Variants in ZDHHC21 observed in about 807,000 individuals in gnomAD.
ZDHHC21 encodes palmitoyltransferase ZDHHC21.
ZDHHC21 carries 15 observed loss-of-function variants against 34.6 expected under a neutral mutation model. That is an observed-to-expected ratio of 0.43 (90% CI 0.29 to 0.67). The LOEUF is 0.67. ZDHHC21 is among the 30% of genes least tolerant of loss of function. ZDHHC21 has a pLI of 0.14. For synonymous variants in ZDHHC21, 142 were observed against 101.8 expected (o/e 1.40, Z -2.38); for missense variants, 344 against 327.7 (o/e 1.05, Z -0.38).
At chr9:14,661,172 C>T (rs945787447) in intron 6 of ZDHHC21, among the ~76,000 whole-genome samples, 4 of 152,040 alleles carry the variant, frequency 2.6e-5, no homozygotes, top group African/African-American at 9.7e-5. Flanking sequence ...ATGCTTTTAT[C>T]GAAAATGCTC....
intron 5 of ZDHHC21, among the ~76,000 whole-genome samples, chr9:14,665,594 G>A (rs1834279748): frequency 6.8e-6 from 1 of 148,114 alleles, no homozygotes; most frequent in Non-Finnish European, 1.5e-5. Context: ...AGGGCAGCCA[G>A]AGAGAAAGGT....
intron 1 of ZDHHC21, among the ~76,000 whole-genome samples, chr9:14,692,437 T>C (rs1219765031): frequency 2.0e-5 from 3 of 152,278 alleles, no homozygotes; most frequent in Admixed American, 2.0e-4. Flanking sequence ...CCGCCCACAA[T>C]GACCTTGATT....
the ZDHHC21 span, among the ~76,000 whole-genome samples, chr9:14,606,018 G>C: frequency 8.1e-3 from 1,229 of 152,098 alleles, 25 homozygotes; most frequent in African/African-American, 0.028. Context: ...GAAAAATGAA[G>C]GAAAATACAT....
At chr9:14,672,213 C>A (rs1291039199) in intron 5 of ZDHHC21, among the ~76,000 whole-genome samples, 4 of 152,046 alleles carry the variant, frequency 2.6e-5, no homozygotes, top group African/African-American at 7.2e-5. Context: ...TTGAAGAATT[C>A]AGTTATATGA....
chr9:14,609,056 T>A (rs1318871323), downstream of ZDHHC21, among the ~76,000 whole-genome samples: 1 of 150,890 alleles, frequency 6.6e-6, no homozygotes, highest in East Asian at 1.9e-4. Context: ...CAAATGTATG[T>A]TCCTCTGCTC....
At chr9:14,688,900 C>G (rs1405879505) in intron 2 of ZDHHC21, among the ~76,000 whole-genome samples, 1 of 151,836 alleles carries the variant, frequency 6.6e-6, no homozygotes, top group African/African-American at 2.4e-5. Context: ...GAAAACCAGC[C>G]GGGTGTGGTG....
intron 1 of ZDHHC21, among the ~76,000 whole-genome samples, chr9:14,692,176 A>C (rs1329936826): frequency 6.6e-6 from 1 of 152,230 alleles, no homozygotes; most frequent in East Asian, 1.9e-4. Context: ...CCTTTAAAAT[A>C]AGTAAAATCT....
At chr9:14,678,211 A>G (rs1836768641) in intron 3 of ZDHHC21, among the ~76,000 whole-genome samples, 1 of 152,076 alleles carries the variant, frequency 6.6e-6, no homozygotes, top group African/African-American at 2.4e-5. Context: ...TTAAAAGGAA[A>G]ACTATTAGAA....
At chr9:14,590,106 A>G in the ZDHHC21 span, 2 of 152,234 alleles carry the variant, frequency 1.3e-5, no homozygotes, top group African/African-American at 2.4e-5. Flanking sequence ...TGATATAAAG[A>G]AAAACTAAAT....
At chr9:14,649,419 T>C (rs1216606344) in intron 7 of ZDHHC21, among the ~76,000 whole-genome samples, 1 of 152,068 alleles carries the variant, frequency 6.6e-6, no homozygotes, top group African/African-American at 2.4e-5. Context: ...GCAATCTTAA[T>C]TTAATCCTAA....
intron 5 of ZDHHC21, among the ~76,000 whole-genome samples, chr9:14,671,876 G>A (rs1345300729): frequency 6.6e-6 from 1 of 152,030 alleles, no homozygotes; most frequent in African/African-American, 2.4e-5. Flanking sequence ...ATATGAAAGT[G>A]ATAAAAATAT....
chr9:14,630,477 T>G (rs1827144140), intron 8 of ZDHHC21, among the ~76,000 whole-genome samples: 1 of 152,208 alleles, frequency 6.6e-6, no homozygotes, highest in South Asian at 2.1e-4. Flanking sequence ...ACCATGAAGT[T>G]TAGAATCAAC....
At position 14,637,212 on chromosome 9, in the gene ZDHHC21, A is replaced by G. The variant is rs570265467; in HGVS notation, c.621+2684T>C. ...GTAAATAAAATCAGACATGAAAAAG[A>G]AGACATTACAGCTGATACCATTGAA... On this transcript the variant is annotated intron_variant, in intron 8 of 9. Coordinates refer to ENST00000380916, the MANE Select transcript of ZDHHC21 (RefSeq NM_178566.6). 5.3e-5 allele frequency among the ~76,000 whole-genome samples: 8 copies of G among 152,186 alleles called. No homozygotes were observed. In the East Asian group the frequency reaches 1.5e-3, roughly 29 times the overall value.
intron 4 of ZDHHC21, 121 bp downstream of exon 4, chr9:14,674,066 T>C (rs1038241727): frequency 1.5e-5 from 8 of 539,590 alleles, no homozygotes; most frequent in Non-Finnish European, 2.4e-5. Context: ...AACTGAATAT[T>C]GACAGCACTG....
intron 7 of ZDHHC21, among the ~76,000 whole-genome samples, chr9:14,658,464 C>CCT (rs1832702125): frequency 3.1e-5 from 2 of 65,376 alleles, no homozygotes; most frequent in Non-Finnish European, 5.3e-5. Flanking sequence ...ATAAACATTT[C>CCT]TTTTTTTTTT....
chr9:14,602,338 G>A, the ZDHHC21 span, among the ~76,000 whole-genome samples: 1 of 151,814 alleles, frequency 6.6e-6, no homozygotes, highest in African/African-American at 2.4e-5. Context: ...TGACACAAGG[G>A]ACCTCATAAA....
intron 2 of ZDHHC21, among the ~76,000 whole-genome samples, chr9:14,682,615 A>AATATCCCTGATGT (rs2131620106): frequency 6.6e-6 from 1 of 152,178 alleles, no homozygotes; most frequent in South Asian, 2.1e-4. Context: ...CTCTACTGTC[A>AATATCCCTGATGT]ACATTAGATC....
chr9:14,658,004 T>A (rs1007760440), intron 7 of ZDHHC21, among the ~76,000 whole-genome samples: 1 of 152,198 alleles, frequency 6.6e-6, no homozygotes, highest in African/African-American at 2.4e-5. Flanking sequence ...ATATTCTCAG[T>A]GGATAACTTT....
intron 4 of ZDHHC21, 61 bp from the exon 5 acceptor site, chr9:14,672,989 T>C: frequency 3.7e-6 from 4 of 1,094,922 alleles, no homozygotes; most frequent in South Asian, 3.7e-5. Context: ...TTATCAACAA[T>C]CATATTTAAA....
Sources: allele counts gnomAD v4.1 joint callset (sites outside exome capture counted in the v4.1 genomes callset), GRCh38; gene constraint gnomAD v4.1.1; transcripts MANE v1.5; gene names NCBI Gene and HGNC (gene_info 2026-07-23, HGNC 2026-07-21).